Variants in CADM1 observed in about 807,000 individuals in gnomAD.
CADM1 encodes TSLC-1.
Under a neutral mutation model 53.1 loss-of-function variants are expected in CADM1, and 15 were observed. The ratio of observed to expected loss-of-function variants is 0.28; its 90% CI spans 0.19 to 0.44. CADM1 has a LOEUF of 0.44. CADM1 is among the 20% of genes least tolerant of loss of function. The probability of loss-of-function intolerance (pLI) is 1.00; values close to 1 mark genes in which losing one functional copy is unlikely to be tolerated. For missense variants in CADM1, 434 were observed against 611.3 expected (o/e 0.71, Z 3.06); for synonymous variants, 281 against 243.0 (o/e 1.16, Z -1.45).
intron 1 of CADM1, among the ~76,000 whole-genome samples, chr11:115,485,082 T>G (rs1199482548): frequency 2.0e-5 from 3 of 152,208 alleles, no homozygotes. Context: ...TTCATTCACT[T>G]TCAAGACAAT....
At chr11:115,438,197 T>G (rs1435164273) in intron 1 of CADM1, among the ~76,000 whole-genome samples, 3 of 152,182 alleles carry the variant, frequency 2.0e-5, no homozygotes, top group African/African-American at 7.2e-5. Flanking sequence ...AATCATCCTA[T>G]ATCTGTGCCT....
At chr11:115,322,701 T>C (rs1304187227) in intron 1 of CADM1, among the ~76,000 whole-genome samples, 1 of 152,154 alleles carries the variant, frequency 6.6e-6, no homozygotes, top group African/African-American at 2.4e-5. Flanking sequence ...TAGCATAATG[T>C]TTTCAAGGCT....
chr11:115,244,547 C>T (rs1040802234), intron 1 of CADM1, among the ~76,000 whole-genome samples: 6 of 152,160 alleles, frequency 3.9e-5, no homozygotes, highest in Non-Finnish European at 5.9e-5. Flanking sequence ...TCAGTATCCC[C>T]GCTTTAGAGA....
At chr11:115,285,506 G>T (rs900952313) in intron 1 of CADM1, among the ~76,000 whole-genome samples, 2 of 152,178 alleles carry the variant, frequency 1.3e-5, no homozygotes, top group Non-Finnish European at 2.9e-5. Context: ...GTGAAGTCTG[G>T]AATCGTTGAA....
intron 1 of CADM1, chr11:115,397,127 ACT>A (rs1460941014): frequency 6.6e-6 from 1 of 152,100 alleles, no homozygotes; most frequent in Non-Finnish European, 1.5e-5. Flanking sequence ...TTTGAATACA[ACT>A]CTGAGTGTGT....
chr11:115,348,073 T>C (rs1464141130), intron 1 of CADM1, among the ~76,000 whole-genome samples: 1 of 152,214 alleles, frequency 6.6e-6, no homozygotes. Flanking sequence ...TTACCTATTA[T>C]TAAGTTCTAA....
At chr11:115,455,894 G>A (rs1302955350) in intron 1 of CADM1, among the ~76,000 whole-genome samples, 2 of 152,082 alleles carry the variant, frequency 1.3e-5, no homozygotes, top group Non-Finnish European at 2.9e-5. Context: ...AATAACTGGC[G>A]GGATCCAGAA....
intron 1 of CADM1, among the ~76,000 whole-genome samples, chr11:115,469,609 C>A (rs1948966915): frequency 6.7e-6 from 1 of 148,546 alleles, no homozygotes; most frequent in Non-Finnish European, 1.5e-5. Flanking sequence ...AGTTTTTATT[C>A]TTTTCCTAAT....
chr11:115,502,327 C>CTTTTTTTTT (rs11358670), intron 1 of CADM1, among the ~76,000 whole-genome samples: 4 of 52,348 alleles, frequency 7.6e-5, no homozygotes, highest in African/African-American at 3.2e-4. Flanking sequence ...CGCCCCCCGG[C>CTTTTTTTTT]TTTTTTTTTT....
intron 1 of CADM1, among the ~76,000 whole-genome samples, chr11:115,250,160 C>T (rs1266208016): frequency 3.3e-5 from 5 of 152,170 alleles, no homozygotes; most frequent in Admixed American, 1.3e-4. Context: ...GCCTCAGCCT[C>T]GCAAAGTGCT....
intron 2 of CADM1, among the ~76,000 whole-genome samples, chr11:115,238,905 C>A (rs1476607337): frequency 4.6e-5 from 7 of 151,962 alleles, no homozygotes; most frequent in Non-Finnish European, 8.8e-5. Flanking sequence ...CACACACACC[C>A]AGCTACGCAC....
intron 1 of CADM1, among the ~76,000 whole-genome samples, chr11:115,426,639 G>A (rs1947900792): frequency 1.3e-5 from 2 of 152,194 alleles, no homozygotes; most frequent in African/African-American, 4.8e-5. Context: ...GTCACTCACT[G>A]CATCCTCTGC....
chr11:115,205,215 C>T (rs1456832259), intron 8 of CADM1, among the ~76,000 whole-genome samples: 3 of 152,178 alleles, frequency 2.0e-5, no homozygotes, highest in Non-Finnish European at 4.4e-5. Context: ...CTATGATATT[C>T]CTCATCAAGC....
At chr11:115,355,638 G>C (rs1422539783) in intron 1 of CADM1, among the ~76,000 whole-genome samples, 1 of 152,030 alleles carries the variant, frequency 6.6e-6, no homozygotes, top group Non-Finnish European at 1.5e-5. Context: ...AAAAGAGAGA[G>C]AGATCAAGTT....
At chr11:115,467,360 T>A (rs778591282) in intron 1 of CADM1, among the ~76,000 whole-genome samples, 5 of 152,104 alleles carry the variant, frequency 3.3e-5, no homozygotes, top group Non-Finnish European at 7.4e-5. Context: ...ACCCAACTGA[T>A]TGAAGATAGA....
chr11:115,350,028 G>A (rs1945685295), intron 1 of CADM1, among the ~76,000 whole-genome samples: 1 of 152,136 alleles, frequency 6.6e-6, no homozygotes, highest in Non-Finnish European at 1.5e-5. Flanking sequence ...CTGGAGTGCA[G>A]TGGCATGATC....
At chr11:115,431,028 ACTT>A (rs1189209091) in intron 1 of CADM1, among the ~76,000 whole-genome samples, 1 of 152,120 alleles carries the variant, frequency 6.6e-6, no homozygotes, top group Non-Finnish European at 1.5e-5. Context: ...TTCTTTTTGC[ACTT>A]CTTATTAGAG....
At chr11:115,304,738 A>G (rs1317464013) in intron 1 of CADM1, among the ~76,000 whole-genome samples, 1 of 152,042 alleles carries the variant, frequency 6.6e-6, no homozygotes, top group East Asian at 1.9e-4. Flanking sequence ...TACGCTTATA[A>G]ATATTAATAA....
At chr11:115,493,529 A>T (rs1310284306) in intron 1 of CADM1, among the ~76,000 whole-genome samples, 1 of 152,166 alleles carries the variant, frequency 6.6e-6, no homozygotes, top group Non-Finnish European at 1.5e-5. Flanking sequence ...TGCTCACAAG[A>T]TATGTATACA....
Sources: gnomAD v4.1 joint callset for allele counts (sites outside exome capture counted in the v4.1 genomes callset) on GRCh38, gnomAD v4.1.1 for gene constraint, MANE v1.5 for transcripts, NCBI Gene and HGNC (gene_info 2026-07-23, HGNC 2026-07-21) for gene names.